The following COMMD10 variants were observed in gnomAD, a reference collection of about 807,000 sequenced individuals.
The protein encoded by COMMD10 is COMM domain-containing protein 10.
Under a neutral mutation model 28.9 loss-of-function variants are expected in COMMD10, and 33 were observed. The observed-to-expected ratio is 1.14, with a 90% CI of 0.87 to 1.53. COMMD10 has a LOEUF of 1.53. COMMD10 is among the 40% of genes most tolerant of loss of function. The pLI is 0.00. For missense variants in COMMD10, 310 were observed against 233.4 expected (o/e 1.33, Z -2.14); for synonymous variants, 110 against 81.7 (o/e 1.35, Z -1.87).
chr5:116,168,306 A>T (rs1007972020), intron 5 of COMMD10, among the ~76,000 whole-genome samples: 1 of 152,196 alleles, frequency 6.6e-6, no homozygotes, highest in African/African-American at 2.4e-5. Context: ...ATATATATGC[A>T]CGCAATACAG....
At chr5:116,123,855 A>G (rs922763565) in intron 4 of COMMD10, among the ~76,000 whole-genome samples, 1 of 151,938 alleles carries the variant, frequency 6.6e-6, no homozygotes, top group Non-Finnish European at 1.5e-5. Flanking sequence ...GTTTATTTGC[A>G]TAGAGGTGTT....
At chr5:116,170,558 A>G (rs1753291479) in intron 5 of COMMD10, among the ~76,000 whole-genome samples, 1 of 152,192 alleles carries the variant, frequency 6.6e-6, no homozygotes, top group Non-Finnish European at 1.5e-5. Context: ...ACAAAGCTGG[A>G]GGCATCACAC....
At chr5:116,210,545 A>C in intron 5 of COMMD10, among the ~76,000 whole-genome samples, 1 of 152,102 alleles carries the variant, frequency 6.6e-6, no homozygotes, top group East Asian at 1.9e-4. Flanking sequence ...ATTTGTTGAC[A>C]AGTAATAGAT....
intron 5 of COMMD10, among the ~76,000 whole-genome samples, chr5:116,255,264 T>A (rs1750249651): frequency 6.6e-6 from 1 of 151,804 alleles, no homozygotes; most frequent in Admixed American, 6.6e-5. Context: ...TTTGCCAGTC[T>A]GTGTCTTTTA....
chr5:116,244,660 C>CAAAAAAAAAAAAAAA (rs60360733), intron 5 of COMMD10, among the ~76,000 whole-genome samples: 7 of 79,466 alleles, frequency 8.8e-5, no homozygotes, highest in Non-Finnish European at 1.8e-4. Context: ...AAAAAAATTA[C>CAAAAAAAAAAAAAAA]AAAAAAAAAA....
At chr5:116,200,302 G>C (rs922300968) in intron 5 of COMMD10, among the ~76,000 whole-genome samples, 1 of 151,802 alleles carries the variant, frequency 6.6e-6, no homozygotes, top group Admixed American at 6.6e-5. Context: ...AATTATCTTT[G>C]CTCCTCTGTA....
chr5:116,263,224 C>G (rs1057431443), intron 5 of COMMD10, among the ~76,000 whole-genome samples: 1 of 151,686 alleles, frequency 6.6e-6, no homozygotes, highest in Non-Finnish European at 1.5e-5. Context: ...TGAATTGGAG[C>G]TGAGGACTAA....
At chr5:116,153,874 G>C (rs943965349) in intron 5 of COMMD10, among the ~76,000 whole-genome samples, 8 of 152,198 alleles carry the variant, frequency 5.3e-5, no homozygotes, top group Non-Finnish European at 8.8e-5. Flanking sequence ...CTTGATAAAG[G>C]GTTGGGTTGA....
At chr5:116,205,640 A>G (rs1748792085) in intron 5 of COMMD10, among the ~76,000 whole-genome samples, 1 of 152,048 alleles carries the variant, frequency 6.6e-6, no homozygotes, top group Non-Finnish European at 1.5e-5. Flanking sequence ...TTTTGTGTGT[A>G]TATGTTTTTA....
At chr5:116,285,514 C>A (rs906349061) in intron 5 of COMMD10, among the ~76,000 whole-genome samples, 2 of 151,864 alleles carry the variant, frequency 1.3e-5, no homozygotes, top group African/African-American at 4.9e-5. Context: ...CTGCTGTATT[C>A]CCCATGGTCT....
chr5:116,190,256 G>C (rs546558836), intron 5 of COMMD10, among the ~76,000 whole-genome samples: 1 of 152,126 alleles, frequency 6.6e-6, no homozygotes, highest in South Asian at 2.1e-4. Flanking sequence ...TATATATCTA[G>C]TAGAAAATGT....
chr5:116,206,577 G>A (rs1217453431), intron 5 of COMMD10, among the ~76,000 whole-genome samples: 3 of 151,962 alleles, frequency 2.0e-5, no homozygotes, highest in South Asian at 4.2e-4. Flanking sequence ...GCTTGAATCC[G>A]GGAGGCAGAG....
chr5:116,186,895 A>C (rs1007343347), intron 5 of COMMD10, among the ~76,000 whole-genome samples: 1 of 152,174 alleles, frequency 6.6e-6, no homozygotes, highest in Admixed American at 6.5e-5. Context: ...GTAATGCATC[A>C]TAGGCGCACA....
At chr5:116,179,405 G>A (rs1421317217) in intron 5 of COMMD10, among the ~76,000 whole-genome samples, 3 of 152,048 alleles carry the variant, frequency 2.0e-5, no homozygotes, top group African/African-American at 4.8e-5. Context: ...GACTAAGAAC[G>A]CAGGTTTCCT....
At chr5:116,160,587 T>C (rs1262087417) in intron 5 of COMMD10, among the ~76,000 whole-genome samples, 5 of 151,822 alleles carry the variant, frequency 3.3e-5, no homozygotes, top group Admixed American at 3.3e-4. Flanking sequence ...AAGATTTTAT[T>C]TGAAGAAAAA....
intron 5 of COMMD10, among the ~76,000 whole-genome samples, chr5:116,234,994 T>G (rs1335887951): frequency 6.6e-6 from 1 of 152,216 alleles, no homozygotes. Context: ...CTAGTCTGTC[T>G]ATCTCTTACC....
At chr5:116,157,833 C>T (rs11241371) in intron 5 of COMMD10, among the ~76,000 whole-genome samples, 74,937 of 151,876 alleles carry the variant, frequency 0.49, 21,738 homozygotes, top group Non-Finnish European at 0.65. Context: ...ACATCATGTC[C>T]AGAACTGCTA....
At chr5:116,255,586 T>C (rs181677103) in intron 5 of COMMD10, among the ~76,000 whole-genome samples, 70 of 151,722 alleles carry the variant, frequency 4.6e-4, no homozygotes, top group Admixed American at 1.7e-3. Flanking sequence ...TACTTTTACC[T>C]CTGAAGACAT....
At chr5:116,093,257 C>G (rs1034214998) in intron 4 of COMMD10, among the ~76,000 whole-genome samples, 1 of 152,162 alleles carries the variant, frequency 6.6e-6, no homozygotes, top group Non-Finnish European at 1.5e-5. Context: ...GCACAGGACA[C>G]TTCTCCACAA....
Sources: allele counts gnomAD v4.1 joint callset (sites outside exome capture counted in the v4.1 genomes callset), GRCh38; gene constraint gnomAD v4.1.1; transcripts MANE v1.5; gene names NCBI Gene and HGNC (gene_info 2026-07-23, HGNC 2026-07-21).